CLIC5: variants seen among roughly 807,000 people sequenced by gnomAD.
The protein encoded by CLIC5 is CLIC family member 5.
CLIC5 carries 20 observed loss-of-function variants against 24.7 expected under a neutral mutation model. The observed-to-expected ratio is 0.81, with a 90% CI of 0.57 to 1.18. CLIC5 has a LOEUF of 1.18. Among genes scored for constraint, CLIC5 ranks in the 50% most tolerant of loss-of-function variants. CLIC5 has a pLI of 0.00. For missense variants in CLIC5, 341 were observed against 326.1 expected, an observed-to-expected ratio of 1.05 and a Z score of -0.35; for synonymous variants, 159 against 135.6, an observed-to-expected ratio of 1.17 and a Z score of -1.20.
At chr6:46,079,454 A>G (rs1762863202) in intron 1 of CLIC5, among the ~76,000 whole-genome samples, 2 of 152,242 alleles carry the variant, frequency 1.3e-5, no homozygotes, top group African/African-American at 4.8e-5. Flanking sequence ...CCGTTTTGAA[A>G]AATACTTTGC....
intron 1 of CLIC5, among the ~76,000 whole-genome samples, chr6:45,967,317 T>A (rs975755079): frequency 3.3e-5 from 5 of 152,186 alleles, no homozygotes; most frequent in Non-Finnish European, 7.3e-5. Context: ...GGTCCCTCTC[T>A]TGAGAAGCTA....
rs772163210 is a variant in CLIC5 at position 45,903,093 on chromosome 6, A to T, written c.751T>A (p.Ser251Thr). 1 of 1,613,974 alleles carries T rather than the reference A, an allele frequency of 6.2e-7. No homozygotes were observed. The highest frequency in any genetic ancestry group is 1.3e-5 in the African/African-American group (1 of 74,906). ...YADVAKRLSR[S>T] ...ATGGGGCAAAATGGCTGTGCTCAGGATCGGCTGAGGCGTTTGGCGACATCA... is the reference window on the plus strand; with the variant it reads ...ATGGGGCAAAATGGCTGTGCTCAGGTTCGGCTGAGGCGTTTGGCGACATCA... Residue 251 changes from serine to threonine, a missense_variant, in exon 6 of 6, where the codon TCC becomes ACC. Physicochemically the swap from Ser to Thr is moderately conservative, Grantham distance 58 (BLOSUM62 1). Coordinates refer to ENST00000339561, the MANE Select transcript of CLIC5 (RefSeq NM_016929.5).
At chr6:45,896,782 G>C (rs1439744589), downstream of CLIC5, among the ~76,000 whole-genome samples, 1 of 152,162 alleles carries the variant, frequency 6.6e-6, no homozygotes, top group African/African-American at 2.4e-5. Context: ...AGGAAACCAA[G>C]ACACAGAGAG....
intron 4 of CLIC5, among the ~76,000 whole-genome samples, chr6:45,919,401 G>A (rs1420170209): frequency 2.0e-5 from 3 of 152,098 alleles, no homozygotes; most frequent in Non-Finnish European, 4.4e-5. Flanking sequence ...GGTTACAGGT[G>A]GGCTGCTTGC....
intron 1 of CLIC5, among the ~76,000 whole-genome samples, chr6:46,044,220 T>C (rs1212274878): frequency 6.6e-6 from 1 of 152,198 alleles, no homozygotes; most frequent in Non-Finnish European, 1.5e-5. Flanking sequence ...AAGGGTTCCT[T>C]GCTCCAGTTG....
chr6:46,097,863 T>C, the CLIC5 span, among the ~76,000 whole-genome samples: 1 of 152,216 alleles, frequency 6.6e-6, no homozygotes, highest in Non-Finnish European at 1.5e-5. Context: ...TTTTTGTTAA[T>C]GGAAGACAGA....
chr6:46,005,131 CA>C (rs1056385847), intron 1 of CLIC5, among the ~76,000 whole-genome samples: 1 of 152,188 alleles, frequency 6.6e-6, no homozygotes, highest in African/African-American at 2.4e-5. Flanking sequence ...GACAATCTCC[CA>C]AATTGGATGT....
rs1482226093 is a variant in CLIC5, at chr6:45,914,298, C to A, written c.518G>T (p.Arg173Leu). The A allele has an allele frequency of 6.2e-7, 1 of 1,607,314 alleles. No individual in the cohort carries two copies. The highest frequency in any genetic ancestry group is 1.1e-5 in the South Asian group (1 of 89,966). ...NTCGEDKGSR[R>L]KFLDGDELTL... is the part of the protein sequence containing the mutation. Reference sequence around the variant, plus strand: ...CAGCTCATCCCCATCCAGGAACTTGCGCCGGGACCCCTTGTCTTCCCCACA... The same window carrying A: ...CAGCTCATCCCCATCCAGGAACTTGAGCCGGGACCCCTTGTCTTCCCCACA... Residue 173 changes from arginine (R) to leucine (L), a missense_variant, in exon 5 of 6, where the codon CGC becomes CTC. Arg to Leu is a moderately radical substitution (Grantham distance 102). Coordinates refer to ENST00000339561, the MANE Select transcript of CLIC5 (RefSeq NM_016929.5).
At chr6:45,918,175 A>C (rs1416257595) in intron 4 of CLIC5, among the ~76,000 whole-genome samples, 1 of 152,188 alleles carries the variant, frequency 6.6e-6, no homozygotes, top group Non-Finnish European at 1.5e-5. Context: ...TATGCAAACA[A>C]TCTTAGATTT....
chr6:46,078,780 G>A (rs9381421), intron 1 of CLIC5, among the ~76,000 whole-genome samples: 44,725 of 152,026 alleles, frequency 0.29, 7,377 homozygotes, highest in Middle Eastern at 0.44. Context: ...AAAACAATTA[G>A]AGAAAAGAAC....
intron 1 of CLIC5, among the ~76,000 whole-genome samples, chr6:45,974,625 A>G (rs532697441): frequency 1.2e-4 from 18 of 150,548 alleles, no homozygotes; most frequent in African/African-American, 4.4e-4. Flanking sequence ...GATACTGATA[A>G]CATCAGTTTC....
At chr6:45,971,210 T>G (rs1765189583) in intron 1 of CLIC5, among the ~76,000 whole-genome samples, 1 of 152,198 alleles carries the variant, frequency 6.6e-6, no homozygotes, top group African/African-American at 2.4e-5. Context: ...AAATCAGCCA[T>G]CTGGTATATA....
At chr6:46,056,305 C>A (rs1019945544) in intron 1 of CLIC5, among the ~76,000 whole-genome samples, 1 of 152,076 alleles carries the variant, frequency 6.6e-6, no homozygotes, top group African/African-American at 2.4e-5. Context: ...CTCTTGAATT[C>A]TGGGCTCAGA....
intron 6 of CLIC5, among the ~76,000 whole-genome samples, chr6:45,882,199 G>T (rs542906066): frequency 6.6e-6 from 1 of 152,282 alleles, no homozygotes; most frequent in African/African-American, 2.4e-5. Context: ...ATCTTGGATG[G>T]CTCCCAAGGG....
intron 1 of CLIC5, among the ~76,000 whole-genome samples, chr6:46,024,175 A>T (rs971014107): frequency 3.3e-5 from 5 of 152,204 alleles, no homozygotes; most frequent in Non-Finnish European, 4.4e-5. Flanking sequence ...GAAAATACAA[A>T]TAAACAGTTG....
chr6:45,919,445 A>G (rs1413980025), intron 4 of CLIC5, among the ~76,000 whole-genome samples: 1 of 152,104 alleles, frequency 6.6e-6, no homozygotes, highest in Non-Finnish European at 1.5e-5. Context: ...ACCCAAGCAA[A>G]GCACCACACG....
At chr6:46,061,828 A>G (rs1020537676) in intron 1 of CLIC5, among the ~76,000 whole-genome samples, 18 of 152,158 alleles carry the variant, frequency 1.2e-4, no homozygotes, top group Non-Finnish European at 1.3e-4. Context: ...TATTTTGTGG[A>G]CATGAAAACT....
intron 1 of CLIC5, among the ~76,000 whole-genome samples, chr6:45,970,823 G>A (rs1765176935): frequency 6.6e-6 from 1 of 152,148 alleles, no homozygotes; most frequent in South Asian, 2.1e-4. Flanking sequence ...CTGGCATTCT[G>A]CACCCTTACC....
At chr6:45,882,022 A>G (rs1049306117) in intron 6 of CLIC5, among the ~76,000 whole-genome samples, 2 of 151,862 alleles carry the variant, frequency 1.3e-5, no homozygotes, top group Non-Finnish European at 2.9e-5. Flanking sequence ...AGAGCATTAT[A>G]GTTCCTTCCA....
Sources: allele counts gnomAD v4.1 joint callset (sites outside exome capture counted in the v4.1 genomes callset), GRCh38; gene constraint gnomAD v4.1.1; transcripts MANE v1.5; gene names NCBI Gene and HGNC (gene_info 2026-07-23, HGNC 2026-07-21).